DENND3: variants seen among roughly 807,000 people sequenced by gnomAD.
The protein encoded by DENND3 is DENN domain containing 3.
Under a neutral mutation model 135.1 loss-of-function variants are expected in DENND3, and 88 were observed. The ratio of observed to expected loss-of-function variants is 0.65; its 90% CI spans 0.55 to 0.78. DENND3 has a LOEUF of 0.78. DENND3 is among the 30% of genes least tolerant of loss of function. The pLI is 0.00. For missense variants in DENND3, 1,392 were observed against 1,688.4 expected, an observed-to-expected ratio of 0.82 and a Z score of 3.08; for synonymous variants, 693 against 712.3, an observed-to-expected ratio of 0.97 and a Z score of 0.43.
In DENND3 at chr8:141,181,034, G is replaced by A. The variant is rs60173575; in HGVS notation, c.2944+180G>A. ...TGACAGGTGTGCAGCTGGCACGACCGCTCCACGGACTCAGCCTCACGGTGA... is the reference window on the plus strand; with the variant it reads ...TGACAGGTGTGCAGCTGGCACGACCACTCCACGGACTCAGCCTCACGGTGA... On this transcript the variant is annotated intron_variant, in intron 17 of 22. Coordinates refer to ENST00000519811, the MANE Select transcript of DENND3 (RefSeq NM_001352890.3). Among the ~76,000 whole-genome samples, 900 of 152,296 alleles carry A rather than the reference G, an allele frequency of 5.9e-3. 10 individuals are homozygous for A. The highest frequency in any genetic ancestry group is 0.021 in the African/African-American group (869 of 41,560).
chr8:141,139,293 C>T lies in DENND3; in HGVS notation c.501+1156C>T, dbSNP rs1490668621. 1.3e-5 allele frequency among the ~76,000 whole-genome samples: 2 copies of T among 152,190 alleles called. No homozygotes were observed. Among genetic ancestry groups the T allele is most frequent in the African/African-American group, 4.8e-5 (2 of 41,442 alleles). ...TGTTGGGAGGCGTGAGGTATAATCACATGGATTCTGTCCCTGTAAGCTCAT... is the reference window on the plus strand; with the variant it reads ...TGTTGGGAGGCGTGAGGTATAATCATATGGATTCTGTCCCTGTAAGCTCAT... On this transcript the variant is annotated intron_variant, in intron 3 of 22. Coordinates refer to ENST00000519811, the MANE Select transcript of DENND3 (RefSeq NM_001352890.3). The surrounding 1 kb of genome is among the most constrained non-coding windows in gnomAD (Gnocchi z 4.2).
intron 9 of DENND3, among the ~76,000 whole-genome samples, chr8:141,161,194 G>A (rs534960524): frequency 4.6e-5 from 7 of 152,222 alleles, no homozygotes; most frequent in Non-Finnish European, 1.0e-4. Context: ...GCTGGCTCCG[G>A]GCTCTGGCTC....
intron 9 of DENND3, among the ~76,000 whole-genome samples, chr8:141,162,294 T>A (rs928240407): frequency 2.6e-5 from 4 of 152,188 alleles, no homozygotes; most frequent in Non-Finnish European, 5.9e-5. Flanking sequence ...TTTTTTTAAT[T>A]TCTTAATATT....
rs1823242695 is a variant in DENND3, at chr8:141,182,283, G to A, written c.2944+1429G>A. 2.0e-6 allele frequency: 2 copies of A among 984,748 alleles called. No individual in the cohort carries two copies. Among genetic ancestry groups the A allele is most frequent in the African/African-American group, 1.7e-5 (1 of 57,176 alleles). The allele number at this position is 984,748 out of a possible 1,614,324, so 61.0% of individuals were successfully genotyped here. ...TGGGCAGAGAAGCTGTGTGTGAAGC[G>A]ATTTCCCCATAAGAGAGTTTTTCTC... On this transcript the variant is annotated intron_variant, in intron 17 of 22. Transcript: ENST00000519811. The surrounding 1 kb of genome is among the most constrained non-coding windows in gnomAD (Gnocchi z 5.9).
Position 141,182,604 on chromosome 8 carries a change from A to T in DENND3, c.2944+1750A>T. 3 of 578,536 alleles carry T rather than the reference A, an allele frequency of 5.2e-6. No homozygotes were observed. The highest frequency in any genetic ancestry group is 4.4e-6 in the Non-Finnish European group (2 of 459,276). The allele number at this position is 578,536 out of a possible 1,614,324, so 35.8% of individuals were successfully genotyped here. ...AGGAGCATCTCGAAGGCCTGCAGAG[A>T]GCGTGCAAAGCAGCCGTGGGGAATG... On this transcript the variant is annotated intron_variant, in intron 17 of 22. Transcript: ENST00000519811. This position sits in a 1 kb window ranked among gnomAD's most constrained non-coding sequence, Gnocchi z 5.9.
At position 141,189,159 on chromosome 8, in the gene DENND3, C is replaced by T. The variant is rs1203791411; in HGVS notation, c.3245+13C>T. 6.2e-7 allele frequency: 1 copy of T among 1,614,138 alleles called. No individual in the cohort carries two copies. Among genetic ancestry groups the T allele is most frequent in the East Asian group, 2.2e-5 (1 of 44,880 alleles). The stretch of plus-strand genomic sequence containing the variant: ...AGGAGGCACCCAGGTGCAGTAAGCT[C>T]TGCTGGGGAGAAGGGACTGTTTGGC... On this transcript the variant is annotated intron_variant, in intron 19 of 22. Coordinates refer to ENST00000519811, the MANE Select transcript of DENND3 (RefSeq NM_001352890.3).
intron 10 of DENND3, among the ~76,000 whole-genome samples, chr8:141,164,212 C>T (rs960225139): frequency 7.9e-5 from 12 of 152,184 alleles, no homozygotes; most frequent in African/African-American, 2.7e-4. Context: ...TGTGTCTCAG[C>T]GGCGGCTCCT....
chr8:141,179,559 G>A (rs1251005118), intron 16 of DENND3, among the ~76,000 whole-genome samples: 1 of 152,204 alleles, frequency 6.6e-6, no homozygotes, highest in African/African-American at 2.4e-5. Context: ...TAATTTAGTA[G>A]CTTATGGCCA....
In DENND3 at chr8:141,182,708, G is replaced by A. The variant is rs1823316567; in HGVS notation, c.2944+1854G>A. Among the ~76,000 whole-genome samples, 1 of 152,248 alleles carries A rather than the reference G, an allele frequency of 6.6e-6. No homozygotes were observed. The highest frequency in any genetic ancestry group is 6.5e-5 in the Admixed American group (1 of 15,292). ...TGGTAGCCGAGCAGGGCTTTTGCAA[G>A]CCTTGTGAGATTGCAGGGACAAGAG... is the stretch of plus-strand genomic sequence containing the variant. On this transcript the variant is annotated intron_variant, in intron 17 of 22. Transcript: ENST00000519811. The surrounding 1 kb of genome is among the most constrained non-coding windows in gnomAD (Gnocchi z 5.9).
rs1816882893 is a variant in DENND3 at position 141,137,185 on chromosome 8, G to T, written c.385+394G>T. Reference sequence around the variant, plus strand: ...AGTAGAAATGGGGTTTCACCATGTTGGCCAGGCTGGTCTTGAACTCTTGGC... The same window carrying T: ...AGTAGAAATGGGGTTTCACCATGTTTGCCAGGCTGGTCTTGAACTCTTGGC... On this transcript the variant is annotated intron_variant, in intron 2 of 22. Transcript: ENST00000519811. The surrounding 1 kb of genome is among the most constrained non-coding windows in gnomAD (Gnocchi z 4.1). 6.6e-6 allele frequency among the ~76,000 whole-genome samples: 1 copy of T among 152,072 alleles called. No homozygotes were observed. The highest frequency in any genetic ancestry group is 2.1e-4 in the South Asian group (1 of 4,814).
At chr8:141,160,601 GC>G (rs1569555958) in intron 8 of DENND3, 30 bp from the exon 9 acceptor site, 1 of 1,571,464 alleles carries the variant, frequency 6.4e-7, no homozygotes, top group African/African-American at 1.3e-5. Flanking sequence ...TGCTGCTGGG[GC>G]TGAGCTAGCT....
At chr8:141,169,726 T>TA (rs1352946954) in intron 13 of DENND3, among the ~76,000 whole-genome samples, 1 of 152,256 alleles carries the variant, frequency 6.6e-6, no homozygotes, top group Non-Finnish European at 1.5e-5. Flanking sequence ...GTCGTGAGTT[T>TA]AAACACAAAA....
At chr8:141,185,366 TACAAGCTATTCC>T in intron 18 of DENND3, 88 bp downstream of exon 18, 1 of 1,545,282 alleles carries the variant, frequency 6.5e-7, no homozygotes, top group Non-Finnish European at 8.8e-7. Flanking sequence ...GACAGTAGGA[TACAAGCTATTCC>T]ACAGCCTCAC....
rs1376969030 is a variant in DENND3 at position 141,168,613 on chromosome 8, A to T, written c.2275+88A>T. 4 of 1,464,912 alleles carry T rather than the reference A, an allele frequency of 2.7e-6. No individual in the cohort carries two copies. The highest frequency in any genetic ancestry group is 3.6e-6 in the Non-Finnish European group (4 of 1,098,320). The allele number at this position is 1,464,912 out of a possible 1,614,324, so 90.7% of individuals were successfully genotyped here. Reference sequence around the variant, plus strand: ...CCCAGGCTGGAGTGGACTGGCAATCACAGCTCACTGCAACCTCCACCTCCT... The same window carrying T: ...CCCAGGCTGGAGTGGACTGGCAATCTCAGCTCACTGCAACCTCCACCTCCT... On this transcript the variant is annotated intron_variant, in intron 13 of 22. Coordinates refer to ENST00000519811, the MANE Select transcript of DENND3 (RefSeq NM_001352890.3). The surrounding 1 kb of genome is among the most constrained non-coding windows in gnomAD (Gnocchi z 6.2).
intron 19 of DENND3, among the ~76,000 whole-genome samples, chr8:141,189,723 C>T (rs949161735): frequency 5.9e-5 from 9 of 152,152 alleles, no homozygotes; most frequent in South Asian, 2.1e-4. Context: ...GTGTCGGGGG[C>T]GCCTGTGTCA....
Position 141,185,986 on chromosome 8 carries a change from A to C in DENND3, c.3084+708A>C, listed in dbSNP as rs1414885200. ...GAGACAGGGTCTTGCTCTGTTGCCC[A>C]GGCTGGAGTGCAGTGGTTCAGTCAT... On this transcript the variant is annotated intron_variant, in intron 18 of 22. Transcript: ENST00000519811. 4.0e-5 allele frequency among the ~76,000 whole-genome samples: 6 copies of C among 150,216 alleles called. No individual in the cohort carries two copies. In the East Asian group the frequency reaches 1.2e-3, roughly 30 times the overall value.
intron 10 of DENND3, 49 bp downstream of exon 10, chr8:141,163,478 C>T: frequency 8.2e-7 from 1 of 1,218,362 alleles, no homozygotes; most frequent in Non-Finnish European, 1.2e-6. Context: ...AATCCATTAT[C>T]CTTTTCTGTA....
At chr8:141,149,073 G>C (rs1818482797) in intron 5 of DENND3, among the ~76,000 whole-genome samples, 1 of 152,042 alleles carries the variant, frequency 6.6e-6, no homozygotes, top group Admixed American at 6.6e-5. Context: ...ACCATGCCTG[G>C]CTAATTTTGT....
In DENND3 at chr8:141,128,845, C is replaced by T. The variant is rs1815513175; in HGVS notation, c.102+36C>T. The stretch of plus-strand genomic sequence containing the variant: ...GGGAAACTGAGGCGGACGTGGGCCA[C>T]GAGTCGGCAGCCGGGACAGCAGTCG... On this transcript the variant is annotated intron_variant, in intron 1 of 22. Coordinates refer to ENST00000519811, the MANE Select transcript of DENND3 (RefSeq NM_001352890.3). The surrounding 1 kb of genome is among the most constrained non-coding windows in gnomAD (Gnocchi z 4.5). 3 of 1,337,898 alleles carry T rather than the reference C, an allele frequency of 2.2e-6. No individual in the cohort carries two copies. Among genetic ancestry groups the T allele is most frequent in the East Asian group, 3.1e-5 (1 of 32,230 alleles). The allele number at this position is 1,337,898 out of a possible 1,614,324, so 82.9% of individuals were successfully genotyped here.
Sources: allele counts gnomAD v4.1 joint callset (sites outside exome capture counted in the v4.1 genomes callset), GRCh38; gene constraint gnomAD v4.1.1; non-coding constraint Gnocchi (gnomAD v3.1); transcripts MANE v1.5; gene names NCBI Gene and HGNC (gene_info 2026-07-23, HGNC 2026-07-21).